Variants in SLC9A9 observed in about 807,000 individuals in gnomAD.
The protein encoded by SLC9A9 is sodium/hydrogen exchanger 9.
In SLC9A9, 62 loss-of-function variants were observed where a neutral mutation model predicts 77.8. That is an observed-to-expected ratio of 0.80 (90% confidence interval 0.65 to 0.98). SLC9A9 has a LOEUF of 0.98. Among genes scored for constraint, SLC9A9 ranks in the 50% least tolerant of loss-of-function variants. The probability of loss-of-function intolerance (pLI) is 0.00; values close to 1 mark genes in which losing one functional copy is unlikely to be tolerated. For missense variants in SLC9A9, 775 were observed against 774.9 expected (o/e 1.00, Z 0.00); for synonymous variants, 320 against 283.5 (o/e 1.13, Z -1.29).
At chr3:143,657,299 A>T (rs2038907198) in intron 5 of SLC9A9, among the ~76,000 whole-genome samples, 1 of 152,234 alleles carries the variant, frequency 6.6e-6, no homozygotes, top group Non-Finnish European at 1.5e-5. Flanking sequence ...TGAGGAATTT[A>T]GCCCTAAAAC....
chr3:143,610,148 AT>A (rs201018773), intron 6 of SLC9A9, among the ~76,000 whole-genome samples: 12 of 149,154 alleles, frequency 8.0e-5, no homozygotes, highest in East Asian at 2.0e-4. Flanking sequence ...TCCTTTATTT[AT>A]TTTTTTTTTA....
Position 143,268,936 on chromosome 3 carries a change from G to A in SLC9A9, c.1649C>T (p.Thr550Ile). Residue 550 changes from threonine (T) to isoleucine (I), a missense_variant, in exon 15 of 16, where the codon ACA becomes ATA. Thr to Ile is a moderately conservative substitution (Grantham distance 89, BLOSUM62 -1). Coordinates refer to ENST00000316549, the MANE Select transcript of SLC9A9 (RefSeq NM_173653.4). ...CGGACCACACCATTCAGGTAATGTT[G>A]TAGTCAGCGGAGGACCAGAGTGGGT... ...ILTHSGPPLT[T>I]TLPEWCGPIS... 6.2e-7 allele frequency: 1 copy of A among 1,613,732 alleles called. No individual in the cohort carries two copies. Among genetic ancestry groups the A allele is most frequent in the Non-Finnish European group, 8.5e-7 (1 of 1,179,784 alleles).
At chr3:143,466,482 C>T (rs1028280718) in intron 12 of SLC9A9, among the ~76,000 whole-genome samples, 3 of 152,176 alleles carry the variant, frequency 2.0e-5, no homozygotes, top group Non-Finnish European at 4.4e-5. Context: ...ATTGGAGGGC[C>T]ACTGACTGAA....
intron 6 of SLC9A9, among the ~76,000 whole-genome samples, chr3:143,613,332 G>C (rs1358073115): frequency 2.0e-5 from 3 of 152,140 alleles, no homozygotes; most frequent in African/African-American, 7.2e-5. Flanking sequence ...ATAGATGTTA[G>C]CTTACTGAAA....
intron 4 of SLC9A9, among the ~76,000 whole-genome samples, chr3:143,783,906 T>C (rs537833738): frequency 1.1e-4 from 16 of 152,360 alleles, no homozygotes; most frequent in African/African-American, 3.6e-4. Flanking sequence ...TCAACTGTTT[T>C]AGAAAAGTAA....
intron 12 of SLC9A9, among the ~76,000 whole-genome samples, chr3:143,457,211 T>C (rs2035110000): frequency 6.6e-6 from 1 of 151,732 alleles, no homozygotes; most frequent in Non-Finnish European, 1.5e-5. Context: ...CAGATGGGGG[T>C]CTCCCTATGT....
At chr3:143,776,666 GAA>G (rs1206793293) in intron 4 of SLC9A9, among the ~76,000 whole-genome samples, 1 of 152,038 alleles carries the variant, frequency 6.6e-6, no homozygotes, top group East Asian at 1.9e-4. Context: ...TTAATAAAAT[GAA>G]AAAGACTCAA....
chr3:143,646,091 TG>T (rs369571261), intron 6 of SLC9A9, among the ~76,000 whole-genome samples: 150 of 152,184 alleles, frequency 9.9e-4, no homozygotes, highest in African/African-American at 3.6e-3. Flanking sequence ...AAATGAACAT[TG>T]CCAATTATTA....
At chr3:143,723,280 C>G (rs981693463) in intron 4 of SLC9A9, among the ~76,000 whole-genome samples, 1 of 152,102 alleles carries the variant, frequency 6.6e-6, no homozygotes, top group African/African-American at 2.4e-5. Context: ...AAAACAAAGG[C>G]CCACGTTTCT....
chr3:143,776,953 C>A (rs1184754656), intron 4 of SLC9A9, among the ~76,000 whole-genome samples: 1 of 152,112 alleles, frequency 6.6e-6, no homozygotes, highest in Non-Finnish European at 1.5e-5. Context: ...ACAATATATT[C>A]TCAATATAAA....
intron 12 of SLC9A9, among the ~76,000 whole-genome samples, chr3:143,410,811 T>A (rs1227618784): frequency 6.6e-6 from 1 of 152,210 alleles, no homozygotes; most frequent in Non-Finnish European, 1.5e-5. Context: ...AATTTAGCTG[T>A]GTCCTATACA....
At chr3:143,284,761 T>C (rs1938330827) in intron 14 of SLC9A9, among the ~76,000 whole-genome samples, 2 of 152,126 alleles carry the variant, frequency 1.3e-5, no homozygotes, top group African/African-American at 4.8e-5. Context: ...TTCAAAAAAC[T>C]TGAAGTCTTA....
chr3:143,430,461 C>A (rs1160309731), intron 12 of SLC9A9, among the ~76,000 whole-genome samples: 1 of 152,208 alleles, frequency 6.6e-6, no homozygotes, highest in Admixed American at 6.5e-5. Context: ...AGGGCCTGGT[C>A]CCTACTGTTG....
At chr3:143,648,992 G>A (rs2038753625) in intron 6 of SLC9A9, among the ~76,000 whole-genome samples, 1 of 152,072 alleles carries the variant, frequency 6.6e-6, no homozygotes, top group Non-Finnish European at 1.5e-5. Flanking sequence ...TTCTATTACC[G>A]GTGTTCAGTT....
rs970289344 is a variant in SLC9A9 at position 143,670,099 on chromosome 3, G to T, written c.650-17739C>A. ...TTCCTTTCTCACAAATTACTCCCTT[G>T]AACTTCTGTATTTGGAAAGAACAGT... On this transcript the variant is annotated intron_variant, in intron 5 of 15. Transcript: ENST00000316549. Among the ~76,000 whole-genome samples the T allele has an allele frequency of 2.6e-5, 4 of 152,260 alleles. No individual in the cohort carries two copies. The East Asian group carries it at 5.8e-4, about 22-fold the overall frequency.
intron 9 of SLC9A9, among the ~76,000 whole-genome samples, chr3:143,542,533 A>G (rs1050281018): frequency 6.6e-6 from 1 of 152,278 alleles, no homozygotes. Flanking sequence ...ACAAAACCAA[A>G]TCAAAAACCC....
At chr3:143,513,744 A>G (rs1487165848) in intron 9 of SLC9A9, among the ~76,000 whole-genome samples, 3 of 152,256 alleles carry the variant, frequency 2.0e-5, no homozygotes, top group Non-Finnish European at 4.4e-5. Flanking sequence ...ATTTGTTAGC[A>G]GGCATGAAAA....
At chr3:143,634,350 T>C (rs1236736713) in intron 6 of SLC9A9, among the ~76,000 whole-genome samples, 1 of 152,188 alleles carries the variant, frequency 6.6e-6, no homozygotes, top group African/African-American at 2.4e-5. Context: ...GTCATTCATT[T>C]CTGTCATATT....
intron 6 of SLC9A9, among the ~76,000 whole-genome samples, chr3:143,639,890 GTGAAT>G (rs2038592341): frequency 1.3e-5 from 2 of 152,104 alleles, no homozygotes; most frequent in Admixed American, 1.3e-4. Context: ...ATTTTCTGTG[GTGAAT>G]TAATAAAGTG....
Sources: allele counts gnomAD v4.1 joint callset (sites outside exome capture counted in the v4.1 genomes callset), GRCh38; gene constraint gnomAD v4.1.1; transcripts MANE v1.5; gene names NCBI Gene and HGNC (gene_info 2026-07-23, HGNC 2026-07-21).